The following RNF150 variants were observed in gnomAD, a reference collection of about 807,000 sequenced individuals.
RNF150 encodes ring finger protein 150.
Under a neutral mutation model 39.3 loss-of-function variants are expected in RNF150, and 24 were observed. That is an observed-to-expected ratio of 0.61 (90% confidence interval 0.44 to 0.86). RNF150 has a LOEUF of 0.86. Among genes scored for constraint, RNF150 ranks in the 40% least tolerant of loss-of-function variants. The pLI is 0.00. For missense variants in RNF150, 502 were observed against 587.8 expected (o/e 0.85, Z 1.51); for synonymous variants, 255 against 227.3 (o/e 1.12, Z -1.10).
chr4:141,111,279 GT>G (rs975569577), intron 1 of RNF150, among the ~76,000 whole-genome samples: 72 of 152,220 alleles, frequency 4.7e-4, no homozygotes, highest in African/African-American at 1.6e-3. Flanking sequence ...AGGGCTTCAT[GT>G]TTTTCATTGG....
chr4:141,111,960 C>CA (rs1428305080), intron 1 of RNF150, among the ~76,000 whole-genome samples: 2 of 152,002 alleles, frequency 1.3e-5, no homozygotes, highest in African/African-American at 4.8e-5. Context: ...AGGAGAAATG[C>CA]AAAAGAACTG....
intron 1 of RNF150, among the ~76,000 whole-genome samples, chr4:141,202,581 A>G (rs1728307799): frequency 6.6e-6 from 1 of 152,098 alleles, no homozygotes; most frequent in African/African-American, 2.4e-5. Flanking sequence ...AGAGGAAGTC[A>G]TACTCTAATG....
At chr4:140,889,386 G>A (rs143774175) in intron 6 of RNF150, among the ~76,000 whole-genome samples, 2 of 152,270 alleles carry the variant, frequency 1.3e-5, no homozygotes, top group East Asian at 3.9e-4. Flanking sequence ...GAATTCTGGA[G>A]TTGGTATTTT....
chr4:141,144,089 C>G (rs893833440), intron 1 of RNF150, among the ~76,000 whole-genome samples: 2 of 151,512 alleles, frequency 1.3e-5, no homozygotes, highest in Admixed American at 1.3e-4. Flanking sequence ...TGGTCTGGCT[C>G]ATAATAAACC....
Position 140,912,597 on chromosome 4 carries a change from C to T in RNF150, c.988-1243G>A, listed in dbSNP as rs569455287. On this transcript the variant is annotated intron_variant, in intron 5 of 6. Transcript: ENST00000515673. ...GACATGCAAAGTGCTGGGCTGTTGTCCTAGTGTTGTGCTCTTAGCTGTATA... is the reference window on the plus strand; with the variant it reads ...GACATGCAAAGTGCTGGGCTGTTGTTCTAGTGTTGTGCTCTTAGCTGTATA... Among the ~76,000 whole-genome samples, 3 of 152,300 alleles carry T rather than the reference C, an allele frequency of 2.0e-5. No individual in the cohort carries two copies. The South Asian group carries it at 6.2e-4, about 32-fold the overall frequency.
At chr4:141,135,447 A>T (rs1727015345), upstream of RNF150, among the ~76,000 whole-genome samples, 2 of 152,248 alleles carry the variant, frequency 1.3e-5, no homozygotes, top group South Asian at 4.1e-4. Flanking sequence ...GTATGTCAAA[A>T]AGACAGAAGA....
chr4:140,953,920 C>T (rs954651378), intron 2 of RNF150, among the ~76,000 whole-genome samples: 1 of 152,062 alleles, frequency 6.6e-6, no homozygotes, highest in South Asian at 2.1e-4. Context: ...GCACCCAGTA[C>T]GAAGAGGGAA....
At chr4:140,920,053 C>T (rs1297710973) in intron 5 of RNF150, among the ~76,000 whole-genome samples, 1 of 151,944 alleles carries the variant, frequency 6.6e-6, no homozygotes, top group Non-Finnish European at 1.5e-5. Context: ...GGATTAAAGA[C>T]TTAAACGTTA....
chr4:141,027,930 T>G (rs1290532808), intron 1 of RNF150, among the ~76,000 whole-genome samples: 10 of 115,452 alleles, frequency 8.7e-5, no homozygotes, highest in Non-Finnish European at 1.1e-4. Context: ...TTTTTTGTTT[T>G]TTTTTTTTTT....
intron 1 of RNF150, among the ~76,000 whole-genome samples, chr4:140,986,659 C>T (rs1348470249): frequency 6.6e-6 from 1 of 152,044 alleles, no homozygotes; most frequent in African/African-American, 2.4e-5. Context: ...TCACCCCTAC[C>T]ATTCCTCCTT....
chr4:140,941,472 C>T (rs754837952), intron 4 of RNF150, among the ~76,000 whole-genome samples: 6 of 152,150 alleles, frequency 3.9e-5, no homozygotes, highest in Non-Finnish European at 5.9e-5. Flanking sequence ...TTCAGGAGTA[C>T]ATTTTAGAAA....
chr4:140,893,406 T>A (rs961202207), intron 6 of RNF150, among the ~76,000 whole-genome samples: 1 of 152,200 alleles, frequency 6.6e-6, no homozygotes, highest in Non-Finnish European at 1.5e-5. Context: ...GAAGGGGACT[T>A]ATGCTCTTTT....
At chr4:140,965,478 A>AG (rs1484022450) in intron 2 of RNF150, among the ~76,000 whole-genome samples, 4 of 152,162 alleles carry the variant, frequency 2.6e-5, no homozygotes, top group Non-Finnish European at 5.9e-5. Context: ...CAGCGAAGAT[A>AG]GGGAAGCGAC....
chr4:140,916,150 A>G (rs916409903), intron 5 of RNF150, among the ~76,000 whole-genome samples: 1 of 152,250 alleles, frequency 6.6e-6, no homozygotes, highest in Non-Finnish European at 1.5e-5. Flanking sequence ...CTCCTCCTCC[A>G]AAAGAATGCA....
intron 6 of RNF150, among the ~76,000 whole-genome samples, chr4:140,885,405 T>A (rs1318655331): frequency 7.0e-6 from 1 of 143,704 alleles, no homozygotes; most frequent in Non-Finnish European, 1.5e-5. Context: ...TATAAAAGAG[T>A]ACATATATTT....
intron 1 of RNF150, among the ~76,000 whole-genome samples, chr4:141,164,573 A>G (rs1727568808): frequency 6.6e-6 from 1 of 152,244 alleles, no homozygotes; most frequent in South Asian, 2.1e-4. Context: ...GGTTACCCAC[A>G]AAAGGAAGCC....
At chr4:140,882,740 T>A (rs1729422802) in intron 6 of RNF150, among the ~76,000 whole-genome samples, 1 of 152,110 alleles carries the variant, frequency 6.6e-6, no homozygotes, top group Non-Finnish European at 1.5e-5. Context: ...GCACCTCTGT[T>A]CTCTCTGGTT....
intron 1 of RNF150, among the ~76,000 whole-genome samples, chr4:141,102,872 T>C (rs1219844387): frequency 6.6e-6 from 1 of 152,234 alleles, no homozygotes; most frequent in Non-Finnish European, 1.5e-5. Context: ...CCAGTGTTAC[T>C]ACCGTGGGTC....
At chr4:141,079,738 T>TA (rs1335521512) in intron 1 of RNF150, among the ~76,000 whole-genome samples, 1 of 152,250 alleles carries the variant, frequency 6.6e-6, no homozygotes, top group East Asian at 1.9e-4. Context: ...AAAATGGGGC[T>TA]AGTAACACCT....
Sources: gnomAD v4.1 joint callset for allele counts (sites outside exome capture counted in the v4.1 genomes callset) on GRCh38, gnomAD v4.1.1 for gene constraint, MANE v1.5 for transcripts, NCBI Gene and HGNC (gene_info 2026-07-23, HGNC 2026-07-21) for gene names.